Variants in DLEU7 observed in about 807,000 individuals in gnomAD.
The protein encoded by DLEU7 is deleted in lymphocytic leukemia 7.
In DLEU7, 17 loss-of-function variants were observed where a neutral mutation model predicts 16.0. The ratio of observed to expected loss-of-function variants is 1.06; its 90% CI spans 0.73 to 1.59. DLEU7 has a LOEUF of 1.59. Among genes scored for constraint, DLEU7 ranks in the 40% most tolerant of loss-of-function variants. The probability of loss-of-function intolerance (pLI) is 0.00; values close to 1 mark genes in which losing one functional copy is unlikely to be tolerated. For synonymous variants in DLEU7, 113 were observed against 139.8 expected (o/e 0.81, Z 1.35); for missense variants, 308 against 314.9 (o/e 0.98, Z 0.17).
chr13:50,783,274 C>T (rs146980100), intron 1 of DLEU7, among the ~76,000 whole-genome samples: 2 of 152,282 alleles, frequency 1.3e-5, no homozygotes, highest in Non-Finnish European at 2.9e-5. Flanking sequence ...CTTTTGTGCC[C>T]CCAGAGATGG....
intron 1 of DLEU7, among the ~76,000 whole-genome samples, chr13:50,796,357 A>G (rs1870840): frequency 6.6e-6 from 1 of 151,626 alleles, no homozygotes; most frequent in South Asian, 2.1e-4. Context: ...AACAGTCAAT[A>G]TGATTACCAA....
intron 1 of DLEU7, among the ~76,000 whole-genome samples, chr13:50,757,101 G>A (rs1202526218): frequency 1.3e-5 from 2 of 152,128 alleles, no homozygotes; most frequent in Non-Finnish European, 2.9e-5. Flanking sequence ...GGAGCAGTCC[G>A]CTTCTTTCAG....
intron 1 of DLEU7, among the ~76,000 whole-genome samples, chr13:50,783,841 GC>G (rs1321164389): frequency 6.6e-6 from 1 of 152,130 alleles, no homozygotes; most frequent in Non-Finnish European, 1.5e-5. Flanking sequence ...CCTGATCCCT[GC>G]CATAGGCTCT....
At chr13:50,810,878 T>A (rs966496003) in intron 1 of DLEU7, among the ~76,000 whole-genome samples, 1 of 152,222 alleles carries the variant, frequency 6.6e-6, no homozygotes, top group African/African-American at 2.4e-5. Context: ...AGCTTAATGA[T>A]GTTTTCCTTT....
At chr13:50,716,218 T>C (rs1873434150) in intron 1 of DLEU7, among the ~76,000 whole-genome samples, 1 of 152,214 alleles carries the variant, frequency 6.6e-6, no homozygotes, top group African/African-American at 2.4e-5. Context: ...CCCCAACCCT[T>C]CTCTAGCAAT....
At chr13:50,735,715 T>G (rs1874050500) in intron 1 of DLEU7, among the ~76,000 whole-genome samples, 1 of 152,082 alleles carries the variant, frequency 6.6e-6, no homozygotes, top group South Asian at 2.1e-4. Context: ...CAAACACTTT[T>G]CAAAATAAGA....
At chr13:50,821,279 T>C (rs891733337), downstream of DLEU7, among the ~76,000 whole-genome samples, 2 of 151,848 alleles carry the variant, frequency 1.3e-5, no homozygotes, top group Non-Finnish European at 2.9e-5. Context: ...GTGGCACCAA[T>C]TGATTATGCA....
At chr13:50,773,990 AG>A (rs1593390780) in intron 1 of DLEU7, among the ~76,000 whole-genome samples, 2 of 152,268 alleles carry the variant, frequency 1.3e-5, no homozygotes, top group East Asian at 3.9e-4. Flanking sequence ...CCCCTCCCCC[AG>A]TCAGGCTGCT....
chr13:50,825,693 T>G (rs1877060376), intron 1 of DLEU7, among the ~76,000 whole-genome samples: 1 of 152,210 alleles, frequency 6.6e-6, no homozygotes, highest in African/African-American at 2.4e-5. Flanking sequence ...TTTCTAATAT[T>G]TTACTTGTTG....
chr13:50,733,779 A>G (rs7998620), intron 1 of DLEU7, among the ~76,000 whole-genome samples: 3,599 of 152,286 alleles, frequency 0.024, 145 homozygotes, highest in African/African-American at 0.082. Context: ...TAAGTATCAC[A>G]CATTTACTAG....
intron 1 of DLEU7, among the ~76,000 whole-genome samples, chr13:50,715,865 A>G (rs7996529): frequency 0.05 from 7,620 of 152,268 alleles, 634 homozygotes; most frequent in African/African-American, 0.17. Flanking sequence ...GCAGCAGAAG[A>G]GCCAAAGAAG....
chr13:50,793,608 T>C (rs1277208980), intron 1 of DLEU7, among the ~76,000 whole-genome samples: 2 of 152,260 alleles, frequency 1.3e-5, no homozygotes, highest in Non-Finnish European at 2.9e-5. Flanking sequence ...TTAGTGATGA[T>C]GACCATTTTT....
chr13:50,752,633 C>A (rs1375492094), intron 1 of DLEU7, among the ~76,000 whole-genome samples: 3 of 151,692 alleles, frequency 2.0e-5, no homozygotes, highest in Non-Finnish European at 4.4e-5. Context: ...AGCTGCCGAC[C>A]TTCACGGTGA....
chr13:50,809,687 A>G (rs1002724685), intron 1 of DLEU7, among the ~76,000 whole-genome samples: 2 of 152,150 alleles, frequency 1.3e-5, no homozygotes. Context: ...ACCAGGCCAA[A>G]AACACTTTTT....
chr13:50,829,715 C>G (rs1270303527), intron 1 of DLEU7, among the ~76,000 whole-genome samples: 1 of 152,076 alleles, frequency 6.6e-6, no homozygotes, highest in Non-Finnish European at 1.5e-5. Context: ...AATATATTAG[C>G]AAAGAAAACA....
Position 50,823,302 on chromosome 13 carries a change from T to C in DLEU7, c.*12A>G. Reference sequence around the variant, plus strand: ...GTGCTGGCTGTGGTTTTACTCCCGATGCCTTTAACACTCATATGTCTGGGA... The same window carrying C: ...GTGCTGGCTGTGGTTTTACTCCCGACGCCTTTAACACTCATATGTCTGGGA... On this transcript the variant is annotated 3_prime_UTR_variant, in exon 2 of 2. Transcript: ENST00000504404. The C allele has an allele frequency of 6.5e-7, 1 of 1,534,532 alleles. No individual in the cohort carries two copies. Among genetic ancestry groups the C allele is most frequent in the Non-Finnish European group, 8.7e-7 (1 of 1,145,536 alleles).
At position 50,712,949 on chromosome 13, in the gene DLEU7, T is replaced by C. The variant is rs950748992; in HGVS notation, c.*268A>G. On this transcript the variant is annotated 3_prime_UTR_variant, in exon 2 of 2. Transcript: ENST00000400393. ...ATCTTCTTAATGGAAGCGGCTCTAA[T>C]TGGAGCAAGATGACAGGATTACTTG... The C allele has an allele frequency of 3.6e-5, 16 of 440,488 alleles. No individual in the cohort carries two copies. In the South Asian group the frequency reaches 4.0e-4, roughly 11 times the overall value. 27.3% of individuals were successfully genotyped at this position (440,488 alleles called of 1,614,324 possible). A position where few individuals can be genotyped will look rare whatever the true frequency, so the allele number is the denominator to read the frequency against.
intron 1 of DLEU7, among the ~76,000 whole-genome samples, chr13:50,782,610 G>A (rs1875685627): frequency 6.6e-6 from 1 of 151,978 alleles, no homozygotes; most frequent in African/African-American, 2.4e-5. Flanking sequence ...TTGACCATTA[G>A]CACAGCCTCC....
At chr13:50,727,565 T>G (rs1394905146) in intron 1 of DLEU7, among the ~76,000 whole-genome samples, 4 of 152,112 alleles carry the variant, frequency 2.6e-5, no homozygotes, top group African/African-American at 4.8e-5. Flanking sequence ...GAAGGGCTGC[T>G]CCCATCATTC....
Sources: allele counts gnomAD v4.1 joint callset (sites outside exome capture counted in the v4.1 genomes callset), GRCh38; gene constraint gnomAD v4.1.1; transcripts MANE v1.5; gene names NCBI Gene and HGNC (gene_info 2026-07-23, HGNC 2026-07-21).